NOVA2: variants seen among roughly 807,000 people sequenced by gnomAD.
NOVA2 encodes RNA-binding protein Nova-2.
NOVA2 carries 9 observed loss-of-function variants against 22.5 expected under a neutral mutation model. That is an observed-to-expected ratio of 0.40 (90% CI 0.24 to 0.70). The LOEUF is 0.70. Among genes scored for constraint, NOVA2 ranks in the 30% least tolerant of loss-of-function variants. The probability of loss-of-function intolerance (pLI) is 0.38; values close to 1 mark genes in which losing one functional copy is unlikely to be tolerated. For synonymous variants in NOVA2, 318 were observed against 335.2 expected (o/e 0.95, Z 0.56); for missense variants, 383 against 682.8 (o/e 0.56, Z 4.89).
At position 45,940,637 on chromosome 19, in the gene NOVA2, C is replaced by T; in HGVS notation, c.705G>A (p.Ala235=). ...NPTGSPYASP[A]DVLPAAAAAS... ...CTGCGGCCGCGGCTGGCAGCACATCCGCGGGGCTGGCGTACGGAGAGCCGG... is the reference window on the plus strand; with the variant it reads ...CTGCGGCCGCGGCTGGCAGCACATCTGCGGGGCTGGCGTACGGAGAGCCGG... Residue 235 remains alanine (A), a synonymous_variant, in exon 4 of 4, where the codon GCG becomes GCA. Transcript: ENST00000263257. 6.6e-7 allele frequency: 1 copy of T among 1,508,464 alleles called. No individual in the cohort carries two copies. The highest frequency in any genetic ancestry group is 8.8e-7 in the Non-Finnish European group (1 of 1,138,264). The allele number at this position is 1,508,464 out of a possible 1,614,324, so 93.4% of individuals were successfully genotyped here.
rs1167963033 is a variant in NOVA2, at chr19:45,940,131, C to T, written c.1211G>A (p.Ser404Asn). Reference protein sequence around the residue: ...FLTAEKLAAESAKELVEIAVP... With the variant: ...FLTAEKLAAENAKELVEIAVP... ...CGCAATCTCCACCAGCTCCTTGGCA[C>T]TCTCAGCCGCCAGCTTCTCCGCCGT... is the stretch of plus-strand genomic sequence containing the variant. Residue 404 changes from serine (S) to asparagine (N), a missense_variant, in exon 4 of 4, where the codon AGT (serine) becomes AAT (asparagine). Ser to Asn is a conservative substitution (Grantham distance 46, BLOSUM62 1). Coordinates refer to ENST00000263257, the MANE Select transcript of NOVA2 (RefSeq NM_002516.4). The T allele has an allele frequency of 6.2e-7, 1 of 1,611,286 alleles. No individual in the cohort carries two copies. Among genetic ancestry groups the T allele is most frequent in the Non-Finnish European group, 8.5e-7 (1 of 1,179,702 alleles).
chr19:45,943,500 G>A (rs566983734), intron 3 of NOVA2, among the ~76,000 whole-genome samples: 18 of 151,766 alleles, frequency 1.2e-4, no homozygotes, highest in African/African-American at 4.3e-4. Flanking sequence ...GATCACTTGA[G>A]CCCAGGAGTT....
chr19:45,951,415 G>A (rs1316242214), intron 3 of NOVA2, among the ~76,000 whole-genome samples: 3 of 151,986 alleles, frequency 2.0e-5, no homozygotes, highest in Non-Finnish European at 4.4e-5. Flanking sequence ...TCAGGAATTC[G>A]AGACTGGCCT....
chr19:45,952,533 G>T (rs1967941600), intron 3 of NOVA2, among the ~76,000 whole-genome samples: 1 of 152,210 alleles, frequency 6.6e-6, no homozygotes, highest in South Asian at 2.1e-4. Context: ...GGGGGAGGGG[G>T]TAGAAGGCTC....
intron 1 of NOVA2, among the ~76,000 whole-genome samples, chr19:45,966,428 T>G (rs1431524399): frequency 6.6e-6 from 1 of 152,138 alleles, no homozygotes; most frequent in Non-Finnish European, 1.5e-5. Context: ...TTTATTTACT[T>G]ATTTATTTAT....
chr19:45,956,030 G>T (rs1968000774), intron 2 of NOVA2, among the ~76,000 whole-genome samples: 1 of 152,164 alleles, frequency 6.6e-6, no homozygotes, highest in South Asian at 2.1e-4. Flanking sequence ...CCATTTCCCA[G>T]TCTGGCAGGC....
rs1161409514 is a variant in NOVA2, at chr19:45,939,182, G to C, written c.*681C>G. Reference sequence around the variant, plus strand: ...CATCCTTCCCAGCAGCACTGTCCCTGCCCCCCCATACAACCTGACAACAAA... The same window carrying C: ...CATCCTTCCCAGCAGCACTGTCCCTCCCCCCCCATACAACCTGACAACAAA... On this transcript the variant is annotated 3_prime_UTR_variant, in exon 4 of 4. Coordinates refer to ENST00000263257, the MANE Select transcript of NOVA2 (RefSeq NM_002516.4). The C allele has an allele frequency of 1.3e-5, 2 of 152,426 alleles. No homozygotes were observed. Among genetic ancestry groups the C allele is most frequent in the East Asian group, 3.9e-4 (2 of 5,188 alleles). 9.4% of individuals were successfully genotyped at this position (152,426 alleles called of 1,614,324 possible). A position where few individuals can be genotyped will look rare whatever the true frequency, so the allele number is the denominator to read the frequency against.
intron 2 of NOVA2, among the ~76,000 whole-genome samples, chr19:45,956,036 C>A (rs1345953257): frequency 6.6e-6 from 1 of 152,164 alleles, no homozygotes; most frequent in Non-Finnish European, 1.5e-5. Context: ...CCCAGTCTGG[C>A]AGGCCAGCCT....
chr19:45,959,287 G>C (rs936564655), intron 2 of NOVA2, among the ~76,000 whole-genome samples: 2 of 151,924 alleles, frequency 1.3e-5, no homozygotes, highest in Non-Finnish European at 2.9e-5. Context: ...TGTATGATCT[G>C]GAAGTTGCAC....
rs1435772956 is a variant in NOVA2 at position 45,935,794 on chromosome 19, G to A, written c.*4069C>T. 4 of 152,280 alleles carry A rather than the reference G, an allele frequency of 2.6e-5. No individual in the cohort carries two copies. Among genetic ancestry groups the A allele is most frequent in the African/African-American group, 9.7e-5 (4 of 41,442 alleles). The allele number at this position is 152,280 out of a possible 1,614,324, so 9.4% of individuals were successfully genotyped here. On this transcript the variant is annotated 3_prime_UTR_variant, in exon 4 of 4. Coordinates refer to ENST00000263257, the MANE Select transcript of NOVA2 (RefSeq NM_002516.4). ...GGAGGATGTGGGATGGAGGAACAGGGAGGAGAAACAGAATGAGGGGATATT... is the reference window on the plus strand; with the variant it reads ...GGAGGATGTGGGATGGAGGAACAGGAAGGAGAAACAGAATGAGGGGATATT...
intron 2 of NOVA2, among the ~76,000 whole-genome samples, chr19:45,955,100 TGAGA>T (rs1008516365): frequency 6.6e-6 from 1 of 152,026 alleles, no homozygotes; most frequent in African/African-American, 2.4e-5. Context: ...TGTGAGAGTT[TGAGA>T]GAAAGAAACA....
intron 3 of NOVA2, among the ~76,000 whole-genome samples, chr19:45,946,068 G>A (rs970547020): frequency 1.0e-4 from 15 of 150,210 alleles, no homozygotes; most frequent in South Asian, 2.1e-4. Context: ...ACTTTGGGAC[G>A]CTGAGGTGGG....
At chr19:45,953,332 C>A (rs954556694) in intron 3 of NOVA2, among the ~76,000 whole-genome samples, 1 of 152,164 alleles carries the variant, frequency 6.6e-6, no homozygotes, top group South Asian at 2.1e-4. Flanking sequence ...ACCACCTCTA[C>A]CCCCATACGT....
Position 45,956,483 on chromosome 19 carries a change from T to C in NOVA2, c.230-2537A>G, listed in dbSNP as rs1046786379. ...CCATTCTAAGCACTTTTTTTTTTTTTCCCTGAGACAAGAGTCTCATTCTGT... is the reference window on the plus strand; with the variant it reads ...CCATTCTAAGCACTTTTTTTTTTTTCCCCTGAGACAAGAGTCTCATTCTGT... On this transcript the variant is annotated intron_variant, in intron 2 of 3. Transcript: ENST00000263257. 1.6e-3 allele frequency among the ~76,000 whole-genome samples: 215 copies of C among 135,470 alleles called. 1 individual carries two copies. The highest frequency in any genetic ancestry group is 8.9e-3 in the East Asian group (40 of 4,488). 88.9% of individuals were successfully genotyped at this position (135,470 alleles called of 152,430 possible).
chr19:45,942,977 G>A (rs971229633), intron 3 of NOVA2, among the ~76,000 whole-genome samples: 4 of 152,066 alleles, frequency 2.6e-5, no homozygotes, highest in Admixed American at 1.3e-4. Flanking sequence ...CAGTGGGGAG[G>A]ACCATAGGTG....
rs923248212 is a variant in NOVA2 at position 45,939,620 on chromosome 19, C to G, written c.*243G>C. The G allele has an allele frequency of 3.6e-6, 2 of 559,282 alleles. No individual in the cohort carries two copies. The highest frequency in any genetic ancestry group is 6.3e-6 in the Non-Finnish European group (2 of 315,422). The allele number at this position is 559,282 out of a possible 1,614,324, so 34.6% of individuals were successfully genotyped here. ...ACAGGAAGGGTCAGGCCCAGCCAAG[C>G]ACAGGGAGGGAGGAAGGAGGGGTCA... is the stretch of plus-strand genomic sequence containing the variant. On this transcript the variant is annotated 3_prime_UTR_variant, in exon 4 of 4. Transcript: ENST00000263257.
At chr19:45,944,961 G>A (rs1040461701) in intron 3 of NOVA2, among the ~76,000 whole-genome samples, 1 of 152,244 alleles carries the variant, frequency 6.6e-6, no homozygotes, top group Middle Eastern at 3.4e-3. Flanking sequence ...TGGGGTTAGG[G>A]AGAGGGTGAG....
At chr19:45,950,182 A>G (rs1372149111) in intron 3 of NOVA2, among the ~76,000 whole-genome samples, 2 of 121,160 alleles carry the variant, frequency 1.7e-5, no homozygotes, top group African/African-American at 6.5e-5. Flanking sequence ...TTTTTTTTTT[A>G]CAGTCTTGCT....
intron 1 of NOVA2, among the ~76,000 whole-genome samples, chr19:45,968,711 TC>T (rs1451494736): frequency 6.6e-6 from 1 of 152,106 alleles, no homozygotes; most frequent in Non-Finnish European, 1.5e-5. Context: ...AGGTAGATCT[TC>T]CTGCCTCCAT....
Sources: allele counts gnomAD v4.1 joint callset (sites outside exome capture counted in the v4.1 genomes callset), GRCh38; gene constraint gnomAD v4.1.1; transcripts MANE v1.5; gene names NCBI Gene and HGNC (gene_info 2026-07-23, HGNC 2026-07-21).